The following NEIL3 variants were observed in gnomAD, a reference collection of about 807,000 sequenced individuals.
The protein encoded by NEIL3 is endonuclease 8-like 3.
A neutral mutation model predicts 57.5 loss-of-function variants in NEIL3; 48 were observed. The ratio of observed to expected loss-of-function variants is 0.83; its 90% CI spans 0.66 to 1.06. NEIL3 has a LOEUF of 1.06. Among genes scored for constraint, NEIL3 ranks in the 50% least tolerant of loss-of-function variants. NEIL3 has a pLI of 0.00. For missense variants in NEIL3, 717 were observed against 739.1 expected, an observed-to-expected ratio of 0.97 and a Z score of 0.35; for synonymous variants, 261 against 253.2, an observed-to-expected ratio of 1.03 and a Z score of -0.29.
intron 1 of NEIL3, 101 bp downstream of exon 1, chr4:177,310,210 C>A: frequency 7.8e-7 from 1 of 1,278,528 alleles, no homozygotes; most frequent in Non-Finnish European, 1.0e-6. Context: ...TTTGCTCTGG[C>A]CCAGGTTTCC....
intron 2 of NEIL3, among the ~76,000 whole-genome samples, chr4:177,331,014 G>A (rs1036554705): frequency 2.0e-5 from 3 of 152,058 alleles, no homozygotes; most frequent in African/African-American, 7.2e-5. Context: ...ATAGAAATAG[G>A]ACACTATATA....
chr4:177,340,961 C>T (rs528535047), intron 5 of NEIL3, among the ~76,000 whole-genome samples: 1 of 151,580 alleles, frequency 6.6e-6, no homozygotes, highest in East Asian at 1.9e-4. Flanking sequence ...TAATGAATCT[C>T]TAAGGTTAAA....
intron 1 of NEIL3, 41 bp downstream of exon 1, chr4:177,310,150 G>T (rs757930562): frequency 3.3e-6 from 5 of 1,500,278 alleles, no homozygotes; most frequent in Middle Eastern, 2.1e-4. Context: ...CAGCAGGGGG[G>T]AAATGGAATA....
Position 177,341,477 on chromosome 4 carries a change from G to A in NEIL3, c.704G>A (p.Cys235Tyr). 1 of 1,541,886 alleles carries A rather than the reference G, an allele frequency of 6.5e-7. No individual in the cohort carries two copies. Among genetic ancestry groups the A allele is most frequent in the Non-Finnish European group, 8.7e-7 (1 of 1,149,934 alleles). The change falls in exon 6 of 10, where the codon TGC (cysteine) becomes TAC (tyrosine). Residue 235 changes from cysteine (C) to tyrosine (Y), a missense_variant and splice_region_variant. Transcript: ENST00000264596. ...IRDFSILFYR[C>Y]RKAGLALSKH... is the part of the protein sequence containing the mutation. ...TTTTTTGGTTTTTTTTTTTTTTAGT[G>A]CCGTAAAGCAGGACTTGCTCTCTCT...
chr4:177,312,338 A>C (rs1303158151), intron 1 of NEIL3, among the ~76,000 whole-genome samples: 1 of 152,226 alleles, frequency 6.6e-6, no homozygotes, highest in African/African-American at 2.4e-5. Flanking sequence ...TCAGCCATAA[A>C]AGATTCAGTA....
At chr4:177,310,306 A>G (rs1017673952) in intron 1 of NEIL3, among the ~76,000 whole-genome samples, 197 bp downstream of exon 1, 2 of 152,210 alleles carry the variant, frequency 1.3e-5, no homozygotes, top group Admixed American at 1.3e-4. Context: ...GAGGAGGGCT[A>G]GCGTTCTGGG....
chr4:177,338,072 C>T (rs1293735208), intron 4 of NEIL3, among the ~76,000 whole-genome samples: 3 of 151,882 alleles, frequency 2.0e-5, no homozygotes, highest in African/African-American at 7.3e-5. Flanking sequence ...TAGCTCTTAG[C>T]TTCTTAAAAG....
rs1279307703 is a variant in NEIL3, at chr4:177,343,889, G to A, written c.869+2247G>A. Among the ~76,000 whole-genome samples the A allele has an allele frequency of 7.2e-5, 11 of 151,988 alleles. No individual in the cohort carries two copies. In the South Asian group the frequency reaches 2.3e-3, roughly 32 times the overall value. On this transcript the variant is annotated intron_variant, in intron 6 of 9. Transcript: ENST00000264596. ...ATACATTTATTTGACCAAGTAACTA[G>A]ATACTGCGTTGAACACAGTAGCTGG...
chr4:177,329,912 T>C (rs1734850418), intron 2 of NEIL3, among the ~76,000 whole-genome samples: 1 of 143,564 alleles, frequency 7.0e-6, no homozygotes, highest in African/African-American at 2.7e-5. Context: ...TAGAAAAATC[T>C]TTTTTTTTTT....
chr4:177,322,254 C>T (rs1382327526), intron 1 of NEIL3, among the ~76,000 whole-genome samples: 1 of 151,922 alleles, frequency 6.6e-6, no homozygotes, highest in African/African-American at 2.4e-5. Flanking sequence ...ATTTTTTTGG[C>T]CTCTCTCTCT....
At chr4:177,370,330 C>G in the NEIL3 span, among the ~76,000 whole-genome samples, 1 of 152,138 alleles carries the variant, frequency 6.6e-6, no homozygotes, top group Non-Finnish European at 1.5e-5. Context: ...TTCTTTGCAG[C>G]AGAGATTGTG....
intron 1 of NEIL3, among the ~76,000 whole-genome samples, chr4:177,312,981 C>T (rs979660465): frequency 6.6e-6 from 1 of 152,166 alleles, no homozygotes; most frequent in African/African-American, 2.4e-5. Flanking sequence ...CTGGCAAGAT[C>T]ATTACTGTAG....
chr4:177,351,724 AT>A (rs918452759), intron 7 of NEIL3, among the ~76,000 whole-genome samples, 175 bp downstream of exon 7: 2 of 152,046 alleles, frequency 1.3e-5, no homozygotes, highest in Non-Finnish European at 2.9e-5. Flanking sequence ...TCTGTTGAGT[AT>A]TTTTTTTGAA....
At chr4:177,311,388 G>A (rs906246471) in intron 1 of NEIL3, among the ~76,000 whole-genome samples, 2 of 152,068 alleles carry the variant, frequency 1.3e-5, no homozygotes, top group Non-Finnish European at 2.9e-5. Context: ...GCAAAGCTGA[G>A]GTGTGGGCCG....
intron 9 of NEIL3, 97 bp downstream of exon 9, chr4:177,360,774 C>T: frequency 1.0e-6 from 1 of 980,130 alleles, no homozygotes; most frequent in South Asian, 2.3e-5. Context: ...TTACCTTTTA[C>T]CTTTAAATTT....
downstream of NEIL3, among the ~76,000 whole-genome samples, chr4:177,367,015 G>GT (rs948113322): frequency 6.4e-4 from 98 of 152,128 alleles, 1 homozygote; most frequent in Middle Eastern, 0.017. Flanking sequence ...AATTTCTGGG[G>GT]TTTTTTTGCT....
Position 177,341,579 on chromosome 4 carries a change from A to G in NEIL3, c.806A>G (p.Asn269Ser), listed in dbSNP as rs1560915847. Reference protein sequence around the residue: ...CRITVCRFGDNNRMTYFCPHC... With the variant: ...CRITVCRFGDSNRMTYFCPHC... ...ATAACTGTGTGCCGCTTTGGGGACA[A>G]TAACAGAATGACATATTTCTGTCCT... is the stretch of plus-strand genomic sequence containing the variant. Residue 269 changes from asparagine to serine, a missense_variant, in exon 6 of 10, where the codon AAT becomes AGT. Physicochemically the swap from Asn to Ser is conservative, Grantham distance 46. Transcript: ENST00000264596. 6.2e-7 allele frequency: 1 copy of G among 1,613,952 alleles called. No homozygotes were observed. The highest frequency in any genetic ancestry group is 1.3e-5 in the African/African-American group (1 of 75,010).
chr4:177,310,934 C>T (rs1294770132), intron 1 of NEIL3, among the ~76,000 whole-genome samples: 1 of 152,170 alleles, frequency 6.6e-6, no homozygotes, highest in Non-Finnish European at 1.5e-5. Flanking sequence ...CATATGCTTA[C>T]AACTTGAAAG....
At chr4:177,329,300 T>G (rs1429212477) in intron 2 of NEIL3, among the ~76,000 whole-genome samples, 5 of 152,108 alleles carry the variant, frequency 3.3e-5, no homozygotes, top group African/African-American at 1.2e-4. Flanking sequence ...TCCCAATTAT[T>G]TGGCAGAAAT....
Sources: gnomAD v4.1 joint callset for allele counts (sites outside exome capture counted in the v4.1 genomes callset) on GRCh38, gnomAD v4.1.1 for gene constraint, MANE v1.5 for transcripts, NCBI Gene and HGNC (gene_info 2026-07-23, HGNC 2026-07-21) for gene names.